ARMH4: variants seen among roughly 807,000 people sequenced by gnomAD.
ARMH4 encodes armadillo like helical domain containing 4.
ARMH4 carries 49 observed loss-of-function variants against 61.9 expected under a neutral mutation model. That is an observed-to-expected ratio of 0.79 (90% confidence interval 0.63 to 1.00). The LOEUF (loss-of-function observed/expected upper bound fraction) is 1.00. ARMH4 is among the 50% of genes least tolerant of loss of function. The probability of loss-of-function intolerance (pLI) is 0.00; values close to 1 mark genes in which losing one functional copy is unlikely to be tolerated. For missense variants in ARMH4, 934 were observed against 930.0 expected, an observed-to-expected ratio of 1.00 and a Z score of -0.06; for synonymous variants, 368 against 341.5, an observed-to-expected ratio of 1.08 and a Z score of -0.85.
intron 4 of ARMH4, among the ~76,000 whole-genome samples, chr14:58,116,931 T>C (rs1353988564): frequency 2.0e-5 from 3 of 152,130 alleles, no homozygotes; most frequent in Non-Finnish European, 4.4e-5. Flanking sequence ...GTAGCAATAA[T>C]TACAAGTTCT....
Position 58,094,329 on chromosome 14 carries a change from C to CAAAAAAAAAAAAA in ARMH4, c.2089+2382_2089+2394dup, listed in dbSNP as rs759288462. Among the ~76,000 whole-genome samples the CAAAAAAAAAAAAA allele has an allele frequency of 3.1e-4, 36 of 117,622 alleles. 1 individual carries two copies. The highest frequency in any genetic ancestry group is 9.4e-4 in the African/African-American group (28 of 29,702). The allele number at this position is 117,622 out of a possible 152,430, so 77.2% of individuals were successfully genotyped here. A position where few individuals can be genotyped will look rare whatever the true frequency, so the allele number is the denominator to read the frequency against. ...TGAGCAACAGAGTGAGACGCTTTCT[C>CAAAAAAAAAAAAA]AAAAAAAAAAAAAAAGAACTTTAGC... is the stretch of plus-strand genomic sequence containing the variant. On this transcript the variant is annotated intron_variant, in intron 5 of 7. Coordinates refer to ENST00000267485, the MANE Select transcript of ARMH4 (RefSeq NM_001001872.4).
chr14:58,087,137 T>C (rs560403857), intron 5 of ARMH4, among the ~76,000 whole-genome samples: 1 of 152,356 alleles, frequency 6.6e-6, no homozygotes, highest in Admixed American at 6.5e-5. Flanking sequence ...TGTTTTAACA[T>C]TTAATTTCTT....
intron 5 of ARMH4, among the ~76,000 whole-genome samples, chr14:58,039,017 C>A (rs1214340184): frequency 6.6e-6 from 1 of 152,200 alleles, no homozygotes; most frequent in African/African-American, 2.4e-5. Flanking sequence ...GGAGCCACTA[C>A]CACATTTGTG....
chr14:58,010,652 A>G (rs1882374460), intron 6 of ARMH4, among the ~76,000 whole-genome samples: 1 of 152,164 alleles, frequency 6.6e-6, no homozygotes, highest in African/African-American at 2.4e-5. Context: ...AGGAGCAAGA[A>G]AAAGGTACCA....
chr14:58,016,650 A>G (rs904224479), intron 5 of ARMH4, among the ~76,000 whole-genome samples: 4 of 152,214 alleles, frequency 2.6e-5, no homozygotes, highest in African/African-American at 9.6e-5. Flanking sequence ...TAGTGAACAC[A>G]AGAAGTTAGA....
chr14:58,083,342 G>A lies in ARMH4; in HGVS notation c.2089+13382C>T, dbSNP rs999767. Among the ~76,000 whole-genome samples, 293 of 152,340 alleles carry A rather than the reference G, an allele frequency of 1.9e-3. 4 individuals carry two copies. In the East Asian group the frequency reaches 0.028, roughly 14 times the overall value. ...TGCCTGTAATCCCAGCACTTTGGGA[G>A]GCTAAGGCAGGTAGATCACTTGAGG... On this transcript the variant is annotated intron_variant, in intron 5 of 7. Coordinates refer to ENST00000267485, the MANE Select transcript of ARMH4 (RefSeq NM_001001872.4).
chr14:58,096,623 C>T lies in ARMH4; in HGVS notation c.2089+101G>A. On this transcript the variant is annotated intron_variant, in intron 5 of 7. Coordinates refer to ENST00000267485, the MANE Select transcript of ARMH4 (RefSeq NM_001001872.4). ...GAAACCACCCATAAACAAAGAAAAT[C>T]CATTTTTCTTTACAATAGATGGCAA... 5.2e-6 allele frequency: 7 copies of T among 1,352,676 alleles called. No homozygotes were observed. In the Admixed American group the frequency reaches 1.8e-4, roughly 35 times the overall value. 83.8% of individuals were successfully genotyped at this position (1,352,676 alleles called of 1,614,324 possible). A position where few individuals can be genotyped will look rare whatever the true frequency, so the allele number is the denominator to read the frequency against.
intron 5 of ARMH4, among the ~76,000 whole-genome samples, chr14:58,017,224 G>T (rs537641641): frequency 6.6e-6 from 1 of 152,286 alleles, no homozygotes; most frequent in East Asian, 1.9e-4. Context: ...TGAGGTGAGA[G>T]GATTGCTTGA....
At position 58,004,540 on chromosome 14, in the gene ARMH4, A is replaced by G; in HGVS notation, c.*196T>C. ...AATTCACTACAGAATAAAACCAAATACTGCATGATACGTTTAGTATACAAC... is the reference window on the plus strand; with the variant it reads ...AATTCACTACAGAATAAAACCAAATGCTGCATGATACGTTTAGTATACAAC... On this transcript the variant is annotated 3_prime_UTR_variant, in exon 8 of 8. Transcript: ENST00000267485. 2.1e-6 allele frequency: 1 copy of G among 467,098 alleles called. No homozygotes were observed. The highest frequency in any genetic ancestry group is 3.9e-6 in the Non-Finnish European group (1 of 258,252). The allele number at this position is 467,098 out of a possible 1,614,324, so 28.9% of individuals were successfully genotyped here.
intron 1 of ARMH4, among the ~76,000 whole-genome samples, chr14:58,147,228 C>A (rs979280409): frequency 6.6e-6 from 1 of 152,098 alleles, no homozygotes; most frequent in Non-Finnish European, 1.5e-5. Flanking sequence ...CTTCTGATCA[C>A]CTCATTGGAT....
At chr14:58,064,372 C>A (rs1228864064) in intron 5 of ARMH4, among the ~76,000 whole-genome samples, 1 of 152,156 alleles carries the variant, frequency 6.6e-6, no homozygotes, top group Admixed American at 6.6e-5. Context: ...AATTCACAAC[C>A]ACTGTATTCA....
rs1262464380 is a variant in ARMH4 at position 58,133,298 on chromosome 14, A to G, written c.1413T>C (p.Asp471=). Residue 471 remains aspartate (D), a synonymous_variant, in exon 3 of 8, where the codon GAT becomes GAC. Coordinates refer to ENST00000267485, the MANE Select transcript of ARMH4 (RefSeq NM_001001872.4). ...QEMTTAVQEP[D]ATLSMVTQEQ... ...CTTGTGTCACCATGGATAAAGTGGC[A>G]TCTGGCTCTTGAACAGCTGTTGTCA... 1 of 1,614,042 alleles carries G rather than the reference A, an allele frequency of 6.2e-7. No homozygotes were observed. The highest frequency in any genetic ancestry group is 1.7e-5 in the Admixed American group (1 of 60,012).
intron 5 of ARMH4, among the ~76,000 whole-genome samples, chr14:58,043,189 G>T (rs887129835): frequency 1.3e-5 from 2 of 152,154 alleles, no homozygotes; most frequent in Non-Finnish European, 2.9e-5. Flanking sequence ...GAAGAACATC[G>T]ATGCAAAAAT....
At chr14:58,007,655 AT>A (rs765304233) in intron 6 of ARMH4, among the ~76,000 whole-genome samples, 36 of 152,362 alleles carry the variant, frequency 2.4e-4, no homozygotes, top group Admixed American at 5.9e-4. Flanking sequence ...CTCTGTTAGA[AT>A]TGCTCATGAC....
chr14:58,042,499 A>T (rs1421755245), intron 5 of ARMH4, among the ~76,000 whole-genome samples: 2 of 152,184 alleles, frequency 1.3e-5, no homozygotes, highest in Non-Finnish European at 2.9e-5. Flanking sequence ...AGAAAGCAGG[A>T]AAGATCTAAA....
intron 1 of ARMH4, among the ~76,000 whole-genome samples, chr14:58,151,771 A>G (rs1226015442): frequency 6.6e-6 from 1 of 152,244 alleles, no homozygotes; most frequent in Non-Finnish European, 1.5e-5. Context: ...CTCCGCCAGC[A>G]CAAAGGCCGG....
chr14:58,096,712 CAT>C lies in ARMH4; in HGVS notation c.2089+10_2089+11del, dbSNP rs746347990. On this transcript the variant is annotated intron_variant, in intron 5 of 7. Transcript: ENST00000267485. The stretch of plus-strand genomic sequence containing the variant: ...GAGAAGGGAGGAAAAGGGAAATACA[CAT>C]GACTCTTACCCAGGCCTTGATTCTG... 16 of 1,610,534 alleles carry C rather than the reference CAT, an allele frequency of 9.9e-6. No individual in the cohort carries two copies. Among genetic ancestry groups the C allele is most frequent in the Non-Finnish European group, 1.3e-5 (15 of 1,177,444 alleles).
At chr14:58,137,168 T>C (rs981507024) in intron 2 of ARMH4, among the ~76,000 whole-genome samples, 9 of 152,188 alleles carry the variant, frequency 5.9e-5, no homozygotes, top group Non-Finnish European at 8.8e-5. Flanking sequence ...ATCAGGGTTT[T>C]TCAACCTCAG....
intron 4 of ARMH4, among the ~76,000 whole-genome samples, chr14:58,109,859 T>G (rs1160067638): frequency 6.6e-6 from 1 of 152,166 alleles, no homozygotes; most frequent in African/African-American, 2.4e-5. Context: ...CAGTACTGCA[T>G]GGCTGGAGAG....
Sources: allele counts gnomAD v4.1 joint callset (sites outside exome capture counted in the v4.1 genomes callset), GRCh38; gene constraint gnomAD v4.1.1; transcripts MANE v1.5; gene names NCBI Gene and HGNC (gene_info 2026-07-23, HGNC 2026-07-21).